ESPN: variants seen among roughly 807,000 people sequenced by gnomAD.
ESPN encodes the protein espin, also known as autosomal recessive deafness type 36 protein.
Under a neutral mutation model 77.7 loss-of-function variants are expected in ESPN, and 68 were observed. The observed-to-expected ratio is 0.87, with a 90% CI of 0.72 to 1.07. The LOEUF (loss-of-function observed/expected upper bound fraction) is 1.07, where lower values mean the gene tolerates loss of function less well. Ranked by LOEUF, ESPN falls within the 50% of genes least tolerant of loss-of-function variation. ESPN has a pLI of 0.00. For missense variants in ESPN, 1,060 were observed against 1,239.0 expected, an observed-to-expected ratio of 0.86 and a Z score of 2.17; for synonymous variants, 449 against 567.1, an observed-to-expected ratio of 0.79 and a Z score of 2.96.
chr1:6,428,523 C>A lies in ESPN; in HGVS notation c.488+104C>A. ...CTCTGGCACTCCAGGGCAATGATCC[C>A]TCCAGTGGCCATCCTGGGGCCAGAG... On this transcript the variant is annotated intron_variant, in intron 2 of 12. Transcript: ENST00000645284. The surrounding 1 kb of genome is among the most constrained non-coding windows in gnomAD (Gnocchi z 5.4). The A allele has an allele frequency of 1.0e-6, 1 of 1,003,866 alleles. No homozygotes were observed. Among genetic ancestry groups the A allele is most frequent in the African/African-American group, 1.6e-5 (1 of 61,040 alleles). 62.2% of individuals were successfully genotyped at this position (1,003,866 alleles called of 1,614,324 possible).
rs571984196 is a variant in ESPN at position 6,453,665 on chromosome 1, C to CT, written c.2325+1572dup. Among the ~76,000 whole-genome samples, 107 of 152,286 alleles carry CT rather than the reference C, an allele frequency of 7.0e-4. 1 individual carries two copies. The East Asian group carries it at 0.018, about 26-fold the overall frequency. On this transcript the variant is annotated intron_variant, in intron 10 of 12. Transcript: ENST00000645284. ...GGCCAGAGGCCCAGAAGAGAACGGA[C>CT]TTTCTCCTGGAGCACTGGGGAGCCG...
Position 6,447,827 on chromosome 1 carries a change from C to T in ESPN, c.1465-814C>T, listed in dbSNP as rs1353243656. Among the ~76,000 whole-genome samples, 2 of 152,154 alleles carry T rather than the reference C, an allele frequency of 1.3e-5. No homozygotes were observed. The highest frequency in any genetic ancestry group is 6.5e-5 in the Admixed American group (1 of 15,284). On this transcript the variant is annotated intron_variant, in intron 7 of 12. Transcript: ENST00000645284. The surrounding 1 kb of genome is among the most constrained non-coding windows in gnomAD (Gnocchi z 5.2). Reference sequence around the variant, plus strand: ...TCGGGCGGGGATGAAGGTGGGGGCTCAGCTCCCAGCTTAGGGAGAGGCGCA... The same window carrying T: ...TCGGGCGGGGATGAAGGTGGGGGCTTAGCTCCCAGCTTAGGGAGAGGCGCA...
Position 6,450,787 on chromosome 1 carries a change from G to A in ESPN, c.1916-816G>A, listed in dbSNP as rs1265301386. The stretch of plus-strand genomic sequence containing the variant: ...GACTGCATTCTGGGATCCCCAGCCT[G>A]GGAATCCAAGAGCTGTCGGCCCATT... On this transcript the variant is annotated intron_variant, in intron 8 of 12. Transcript: ENST00000645284. The surrounding 1 kb of genome is among the most constrained non-coding windows in gnomAD (Gnocchi z 4.3). 6.6e-6 allele frequency among the ~76,000 whole-genome samples: 1 copy of A among 151,212 alleles called. No homozygotes were observed. The highest frequency in any genetic ancestry group is 6.6e-5 in the Admixed American group (1 of 15,140).
chr1:6,436,604 A>G (rs957357818), intron 2 of ESPN, among the ~76,000 whole-genome samples: 4 of 151,962 alleles, frequency 2.6e-5, no homozygotes, highest in African/African-American at 9.7e-5. Context: ...TCCTGGACTC[A>G]AGTGATCCTA....
chr1:6,438,014 G>A lies in ESPN; in HGVS notation c.489-2240G>A, dbSNP rs185020279. ...CGGATGGGCAGTTGGATGGGTGAGC[G>A]AGGGATGAATGCGGGGTGGAGCATG... is the stretch of plus-strand genomic sequence containing the variant. On this transcript the variant is annotated intron_variant, in intron 2 of 12. Transcript: ENST00000645284. Among the ~76,000 whole-genome samples the A allele has an allele frequency of 4.7e-3, 720 of 152,196 alleles. 6 individuals are homozygous for A. Among genetic ancestry groups the A allele is most frequent in the African/African-American group, 0.017 (689 of 41,508 alleles).
rs1643868982 is a variant in ESPN at position 6,447,287 on chromosome 1, G to C, written c.1464+1352G>C. ...CCGCAGGCGCCAGGGCCGGGGCCCG[G>C]ACGCTCCACAAAGGGCTCTTTGTGT... On this transcript the variant is annotated intron_variant, in intron 7 of 12. Transcript: ENST00000645284. The surrounding 1 kb of genome is among the most constrained non-coding windows in gnomAD (Gnocchi z 5.2). The C allele has an allele frequency of 6.6e-6, 1 of 152,300 alleles. No individual in the cohort carries two copies. The highest frequency in any genetic ancestry group is 1.5e-5 in the Non-Finnish European group (1 of 68,102). The allele number at this position is 152,300 out of a possible 1,614,324, so 9.4% of individuals were successfully genotyped here.
chr1:6,458,043 T>A (rs1036140794), intron 12 of ESPN, among the ~76,000 whole-genome samples: 1 of 150,218 alleles, frequency 6.7e-6, no homozygotes, highest in Non-Finnish European at 1.5e-5. Flanking sequence ...TTTTTTGAGA[T>A]GGGGTTTCAC....
At chr1:6,426,201 G>A (rs1643027902) in intron 1 of ESPN, among the ~76,000 whole-genome samples, 1 of 152,200 alleles carries the variant, frequency 6.6e-6, no homozygotes, top group African/African-American at 2.4e-5. Context: ...AGATGGCCAG[G>A]CCAACCCCAC....
At chr1:6,445,561 C>T in intron 6 of ESPN, 103 bp from the exon 7 acceptor site, 1 of 1,348,914 alleles carries the variant, frequency 7.4e-7, no homozygotes. Flanking sequence ...CCGGAGCCCA[C>T]CTTGCCCCTC....
In ESPN at chr1:6,460,902, G is replaced by C; in HGVS notation, c.*756G>C. The C allele has an allele frequency of 3.0e-6, 1 of 336,734 alleles. No individual in the cohort carries two copies. Among genetic ancestry groups the C allele is most frequent in the South Asian group, 2.5e-5 (1 of 40,744 alleles). 20.9% of individuals were successfully genotyped at this position (336,734 alleles called of 1,614,324 possible). A position where few individuals can be genotyped will look rare whatever the true frequency, so the allele number is the denominator to read the frequency against. ...ATCCCGACCCTGTCTCCGCCACCTC[G>C]CAGCCCCATTAAAGCGCTCTCATCT... On this transcript the variant is annotated 3_prime_UTR_variant, in exon 13 of 13. Transcript: ENST00000645284.
chr1:6,424,804 G>A lies in ESPN; in HGVS notation c.-152G>A, dbSNP rs997775277. ...GCGCGGCGGAGCGGAGCGCCAGGCA[G>A]CGCGGAGCGGAGGCCAGGCCCACAG... On this transcript the variant is annotated 5_prime_UTR_variant, in exon 1 of 13. Transcript: ENST00000645284. The A allele has an allele frequency of 5.2e-6, 4 of 775,066 alleles. No homozygotes were observed. Among genetic ancestry groups the A allele is most frequent in the South Asian group, 5.2e-5 (1 of 19,176 alleles). 48.0% of individuals were successfully genotyped at this position (775,066 alleles called of 1,614,324 possible). A position where few individuals can be genotyped will look rare whatever the true frequency, so the allele number is the denominator to read the frequency against.
At chr1:6,425,312 G>C (rs1202527514) in intron 1 of ESPN, 63 bp downstream of exon 1, 1 of 1,527,950 alleles carries the variant, frequency 6.5e-7, no homozygotes, top group Non-Finnish European at 8.8e-7. Context: ...TCCTGGCCCA[G>C]AGTCCCCCGG....
intron 2 of ESPN, among the ~76,000 whole-genome samples, chr1:6,435,441 A>T (rs1314926292): frequency 6.6e-6 from 1 of 152,274 alleles, no homozygotes; most frequent in Non-Finnish European, 1.5e-5. Context: ...TTGTGTAATC[A>T]GAGGTGACTT....
chr1:6,431,789 T>C (rs1026593161), intron 2 of ESPN, among the ~76,000 whole-genome samples: 1 of 152,170 alleles, frequency 6.6e-6, no homozygotes, highest in African/African-American at 2.4e-5. Flanking sequence ...GCAGTAGCTA[T>C]GTAATCAGCC....
chr1:6,439,313 T>C (rs1177840191), intron 2 of ESPN, among the ~76,000 whole-genome samples: 6 of 152,224 alleles, frequency 3.9e-5, no homozygotes, highest in African/African-American at 1.4e-4. Context: ...CATGCAATAT[T>C]TGGGATATAG....
intron 5 of ESPN, among the ~76,000 whole-genome samples, chr1:6,441,931 G>T (rs1466368905): frequency 6.6e-6 from 1 of 152,250 alleles, no homozygotes; most frequent in Non-Finnish European, 1.5e-5. Flanking sequence ...GAGGCCAGAG[G>T]CTGCAGGGGG....
At chr1:6,443,501 A>G (rs1350278455) in intron 5 of ESPN, among the ~76,000 whole-genome samples, 1 of 152,106 alleles carries the variant, frequency 6.6e-6, no homozygotes, top group Admixed American at 6.5e-5. Context: ...TGCCCACGCC[A>G]CCTCCTATGG....
intron 2 of ESPN, among the ~76,000 whole-genome samples, chr1:6,438,747 T>C (rs1421633653): frequency 6.6e-6 from 1 of 152,246 alleles, no homozygotes; most frequent in Non-Finnish European, 1.5e-5. Flanking sequence ...AGCTGCACCA[T>C]TGACTGAATT....
chr1:6,451,434 G>C lies in ESPN; in HGVS notation c.1916-169G>C. The C allele has an allele frequency of 4.5e-6, 4 of 889,414 alleles. No homozygotes were observed. The highest frequency in any genetic ancestry group is 7.1e-6 in the Non-Finnish European group (4 of 562,834). The allele number at this position is 889,414 out of a possible 1,614,324, so 55.1% of individuals were successfully genotyped here. A position where few individuals can be genotyped will look rare whatever the true frequency, so the allele number is the denominator to read the frequency against. ...AGGGAACCAAGGGCCCGCCTCTGGG[G>C]GCCCTGAAACCTGCCTGCAGGACCT... On this transcript the variant is annotated intron_variant, in intron 8 of 12. Transcript: ENST00000645284. This position sits in a 1 kb window ranked among gnomAD's most constrained non-coding sequence, Gnocchi z 4.3.
Sources: allele counts gnomAD v4.1 joint callset (sites outside exome capture counted in the v4.1 genomes callset), GRCh38; gene constraint gnomAD v4.1.1; non-coding constraint Gnocchi (gnomAD v3.1); transcripts MANE v1.5; gene names NCBI Gene and HGNC (gene_info 2026-07-23, HGNC 2026-07-21).